NAV3: variants seen among roughly 807,000 people sequenced by gnomAD.
NAV3 encodes the protein neuron navigator 3.
A neutral mutation model predicts 244.7 loss-of-function variants in NAV3; 87 were observed. The observed-to-expected ratio is 0.36, with a 90% confidence interval of 0.30 to 0.42. The LOEUF (loss-of-function observed/expected upper bound fraction) is 0.42, where lower values mean the gene tolerates loss of function less well. Among genes scored for constraint, NAV3 ranks in the 20% least tolerant of loss-of-function variants. The probability of loss-of-function intolerance (pLI) is 1.00; values close to 1 mark genes in which losing one functional copy is unlikely to be tolerated. For synonymous variants in NAV3, 1,126 were observed against 1,042.2 expected (o/e 1.08, Z -1.55); for missense variants, 2,663 against 2,893.3 (o/e 0.92, Z 1.83).
At chr12:78,019,212 A>G (rs904721912) in intron 8 of NAV3, among the ~76,000 whole-genome samples, 1 of 152,180 alleles carries the variant, frequency 6.6e-6, no homozygotes, top group Non-Finnish European at 1.5e-5. Flanking sequence ...TTAGTAACTG[A>G]TTAGTGATGG....
At chr12:77,734,600 A>C (rs1203816524) in intron 2 of NAV3, among the ~76,000 whole-genome samples, 2 of 152,106 alleles carry the variant, frequency 1.3e-5, no homozygotes, top group African/African-American at 4.8e-5. Flanking sequence ...ATGATCTACA[A>C]CCTGGCCTCA....
At chr12:78,133,634 A>G (rs955537559) in intron 18 of NAV3, among the ~76,000 whole-genome samples, 1 of 152,070 alleles carries the variant, frequency 6.6e-6, no homozygotes, top group Non-Finnish European at 1.5e-5. Flanking sequence ...GAAAATTAAG[A>G]TCACTACAAT....
chr12:77,961,497 T>A (rs1330828680), intron 3 of NAV3, among the ~76,000 whole-genome samples: 2 of 143,088 alleles, frequency 1.4e-5, no homozygotes, highest in South Asian at 2.1e-4. Flanking sequence ...GAGACATATA[T>A]GTAATATATT....
intron 2 of NAV3, among the ~76,000 whole-genome samples, chr12:77,791,665 A>G (rs940093530): frequency 1.1e-4 from 16 of 152,020 alleles, no homozygotes; most frequent in African/African-American, 3.4e-4. Flanking sequence ...AGGGCCTAAC[A>G]CTCCTTACAT....
intron 2 of NAV3, among the ~76,000 whole-genome samples, chr12:77,642,003 C>T (rs1291934192): frequency 1.3e-5 from 2 of 152,040 alleles, no homozygotes; most frequent in Non-Finnish European, 2.9e-5. Flanking sequence ...TTAAATAGAT[C>T]GGCAGCCAGG....
At position 78,122,417 on chromosome 12, in the gene NAV3, T is replaced by G; in HGVS notation, c.4227T>G (p.Thr1409=). Residue 1409 remains threonine, a synonymous_variant, in exon 16 of 40, where the codon ACT becomes ACG. Transcript: ENST00000397909. ...TGAGAACGGGTAGTGTGAGATCTACTCTCTCAGAAAGGTGAGCTTTCCTGG... is the reference window on the plus strand; with the variant it reads ...TGAGAACGGGTAGTGTGAGATCTACGCTCTCAGAAAGGTGAGCTTTCCTGG... ...LLMRTGSVRS[T]LSESMQLDRN... 6.3e-7 allele frequency: 1 copy of G among 1,598,670 alleles called. No homozygotes were observed. Among genetic ancestry groups the G allele is most frequent in the East Asian group, 2.2e-5 (1 of 44,758 alleles).
intron 12 of NAV3, among the ~76,000 whole-genome samples, chr12:78,077,121 T>A (rs1203355671): frequency 6.6e-6 from 1 of 152,196 alleles, no homozygotes; most frequent in Non-Finnish European, 1.5e-5. Flanking sequence ...CTTTCCATAT[T>A]TCTTAAGTTT....
At chr12:77,806,936 T>A (rs934877997) in intron 2 of NAV3, among the ~76,000 whole-genome samples, 2 of 152,168 alleles carry the variant, frequency 1.3e-5, no homozygotes, top group Admixed American at 6.5e-5. Context: ...TTCTTTGTCT[T>A]TTTTGATCTT....
intron 34 of NAV3, among the ~76,000 whole-genome samples, chr12:78,190,879 C>G (rs901447726): frequency 1.3e-5 from 2 of 152,012 alleles, no homozygotes; most frequent in Non-Finnish European, 2.9e-5. Flanking sequence ...CTGAGTAAAA[C>G]AAAAAATCCT....
Position 78,119,672 on chromosome 12 carries a change from C to T in NAV3, c.3476C>T (p.Thr1159Ile), listed in dbSNP as rs1268121136. The change falls in exon 15 of 40, where the codon ACC (threonine) becomes ATC (isoleucine). Residue 1159 changes from threonine to isoleucine, a missense_variant. Coordinates refer to ENST00000397909, the MANE Select transcript of NAV3 (RefSeq NM_001024383.2). ...IPGRGGHRSS[T>I]SSIDSNVSSK... is the part of the protein sequence containing the mutation. The stretch of plus-strand genomic sequence containing the variant: ...GGCCGAGGAGGCCACAGATCCAGTA[C>T]CAGCAGTATTGATTCCAACGTCAGC... 1.2e-6 allele frequency: 2 copies of T among 1,614,178 alleles called. No individual in the cohort carries two copies. The highest frequency in any genetic ancestry group is 1.7e-6 in the Non-Finnish European group (2 of 1,180,030).
intron 1 of NAV3, among the ~76,000 whole-genome samples, chr12:77,867,432 G>T (rs1409460270): frequency 1.3e-5 from 2 of 151,360 alleles, no homozygotes; most frequent in Non-Finnish European, 2.9e-5. Flanking sequence ...GTTGTTGTTT[G>T]TTTTTGAGAC....
chr12:78,042,579 G>A (rs1459816409), intron 9 of NAV3, among the ~76,000 whole-genome samples: 1 of 151,670 alleles, frequency 6.6e-6, no homozygotes, highest in Admixed American at 6.6e-5. Context: ...GATCATTTGA[G>A]GTCAGGAGTT....
At chr12:77,794,687 A>G (rs565636708) in intron 2 of NAV3, among the ~76,000 whole-genome samples, 3 of 152,286 alleles carry the variant, frequency 2.0e-5, no homozygotes, top group South Asian at 4.1e-4. Flanking sequence ...TTTCAACAGC[A>G]TGTGCTCACT....
chr12:78,203,499 C>A (rs957254165), intron 38 of NAV3, among the ~76,000 whole-genome samples: 1 of 152,034 alleles, frequency 6.6e-6, no homozygotes, highest in African/African-American at 2.4e-5. Context: ...TAAGGAAATG[C>A]ACAGATATCA....
chr12:78,181,147 A>G (rs75947805), intron 30 of NAV3, 102 bp downstream of exon 30: 103,302 of 1,021,148 alleles, frequency 0.1, 6,269 homozygotes, highest in Non-Finnish European at 0.12. Context: ...AAAATGTTAC[A>G]CTCTAATTCT....
At chr12:78,055,367 G>T (rs960912723) in intron 11 of NAV3, among the ~76,000 whole-genome samples, 1 of 151,942 alleles carries the variant, frequency 6.6e-6, no homozygotes, top group African/African-American at 2.4e-5. Flanking sequence ...TATGTTACAG[G>T]CATATTGTAC....
chr12:77,638,723 C>A (rs1420860066), intron 2 of NAV3, among the ~76,000 whole-genome samples: 3 of 152,114 alleles, frequency 2.0e-5, no homozygotes, highest in African/African-American at 4.8e-5. Context: ...ATTCTCCAAA[C>A]AATAAAATCA....
Position 77,725,732 on chromosome 12 carries a change from C to G in NAV3, c.72+153466C>G, listed in dbSNP as rs141041373. Among the ~76,000 whole-genome samples the G allele has an allele frequency of 2.4e-3, 360 of 151,986 alleles. 2 individuals are homozygous for G. Among genetic ancestry groups the G allele is most frequent in the African/African-American group, 8.2e-3 (340 of 41,514 alleles). On this transcript the variant is annotated intron_variant, in intron 2 of 8. Transcript: ENST00000550042. ...TATCACAAACTTGATGGCTGGCGAC[C>G]ACAAAAATGTTTATCTTACTGTTCT...
In NAV3 at chr12:78,210,983, G is replaced by C. The variant is rs1437864775; in HGVS notation, c.*466G>C. ...CGGTGCTGGTCACAGGGCTTCAGTA[G>C]TGTTTGTGTTGTGCGCTCACCCCAT... On this transcript the variant is annotated 3_prime_UTR_variant, in exon 40 of 40. Coordinates refer to ENST00000397909, the MANE Select transcript of NAV3 (RefSeq NM_001024383.2). 1.3e-5 allele frequency: 2 copies of C among 155,710 alleles called. No individual in the cohort carries two copies. The highest frequency in any genetic ancestry group is 2.4e-5 in the African/African-American group (1 of 41,456). The allele number at this position is 155,710 out of a possible 1,614,324, so 9.6% of individuals were successfully genotyped here.
Sources: gnomAD v4.1 joint callset for allele counts (sites outside exome capture counted in the v4.1 genomes callset) on GRCh38, gnomAD v4.1.1 for gene constraint, MANE v1.5 for transcripts, NCBI Gene and HGNC (gene_info 2026-07-23, HGNC 2026-07-21) for gene names.